The following POT1 variants were observed in gnomAD, a reference collection of about 807,000 sequenced individuals.
The protein encoded by POT1 is protection of telomeres 1.
POT1 carries 47 observed loss-of-function variants against 78.5 expected under a neutral mutation model. The ratio of observed to expected loss-of-function variants is 0.60; its 90% CI spans 0.47 to 0.76. POT1 has a LOEUF of 0.76. Among genes scored for constraint, POT1 ranks in the 30% least tolerant of loss-of-function variants. POT1 has a pLI of 0.00. For synonymous variants in POT1, 259 were observed against 260.7 expected (o/e 0.99, Z 0.06); for missense variants, 646 against 749.9 (o/e 0.86, Z 1.62).
chr7:124,884,410 G>A lies in POT1; in HGVS notation c.124+7856C>T, dbSNP rs541931636. On this transcript the variant is annotated intron_variant, in intron 6 of 18. Transcript: ENST00000357628. ...GGTGTCCTTGTAAGACAGTGAACAGGAAGAGAGAAAGATCTGCTTCTAGAA... is the reference window on the plus strand; with the variant it reads ...GGTGTCCTTGTAAGACAGTGAACAGAAAGAGAGAAAGATCTGCTTCTAGAA... 8.7e-4 allele frequency among the ~76,000 whole-genome samples: 133 copies of A among 152,260 alleles called. 5 individuals are homozygous for A. Among genetic ancestry groups the A allele is most frequent in the Admixed American group, 6.5e-4 (10 of 15,294 alleles).
At position 124,892,275 on chromosome 7, in the gene POT1, T is replaced by C; in HGVS notation, c.115A>G (p.Lys39Glu). Residue 39 changes from lysine (K) to glutamate (E), a missense_variant, in exon 6 of 19, where the codon AAA (lysine) becomes GAA (glutamate). Transcript: ENST00000357628. ...VKFFKPPYLS[K>E]GTDYCSVVTI... Reference sequence around the variant, plus strand: ...CAGTTTTAATACCTACCAGTTCCTTTGCTTAGATATGGGGGCTTAAAGAAC... The same window carrying C: ...CAGTTTTAATACCTACCAGTTCCTTCGCTTAGATATGGGGGCTTAAAGAAC... 6.6e-7 allele frequency: 1 copy of C among 1,525,756 alleles called. No homozygotes were observed. Among genetic ancestry groups the C allele is most frequent in the Admixed American group, 2.4e-5 (1 of 41,566 alleles). 94.5% of individuals were successfully genotyped at this position (1,525,756 alleles called of 1,614,324 possible). A position where few individuals can be genotyped will look rare whatever the true frequency, so the allele number is the denominator to read the frequency against.
At chr7:124,927,666 T>A (rs1026123443) in intron 2 of POT1, among the ~76,000 whole-genome samples, 4 of 152,186 alleles carry the variant, frequency 2.6e-5, no homozygotes, top group African/African-American at 9.6e-5. Context: ...CTCAAACCCA[T>A]CTAAATGAGA....
chr7:124,871,992 T>C (rs779058420), intron 6 of POT1, among the ~76,000 whole-genome samples: 16 of 152,142 alleles, frequency 1.1e-4, no homozygotes, highest in Non-Finnish European at 2.2e-4. Context: ...ACTGAAATAT[T>C]GTATCAGTTG....
intron 10 of POT1, among the ~76,000 whole-genome samples, chr7:124,852,616 G>A (rs1226805312): frequency 1.3e-5 from 2 of 152,052 alleles, no homozygotes; most frequent in Non-Finnish European, 2.9e-5. Context: ...TTTTTCATGA[G>A]AGAATTAAAT....
intron 2 of POT1, among the ~76,000 whole-genome samples, chr7:124,925,963 G>A (rs763539499): frequency 2.0e-5 from 3 of 151,780 alleles, no homozygotes; most frequent in Non-Finnish European, 2.9e-5. Context: ...AACTTAAGAC[G>A]GATTAAAGAT....
Position 124,840,967 on chromosome 7 carries a change from T to G in POT1, c.1369+6A>C, listed in dbSNP as rs1562980753. 2 of 1,581,008 alleles carry G rather than the reference T, an allele frequency of 1.3e-6. No individual in the cohort carries two copies. Among genetic ancestry groups the G allele is most frequent in the African/African-American group, 2.7e-5 (2 of 74,284 alleles). On this transcript the variant is annotated splice_donor_region_variant and intron_variant, in intron 14 of 18. Transcript: ENST00000357628. ...TTCTAACAAAACAGTGACTTAAATATCTTACCTTCTATCAAAAGTAGACAT... is the reference window on the plus strand; with the variant it reads ...TTCTAACAAAACAGTGACTTAAATAGCTTACCTTCTATCAAAAGTAGACAT...
Position 124,903,634 on chromosome 7 carries a change from C to T in POT1, c.-153-5260G>A, listed in dbSNP as rs1020871806. Among the ~76,000 whole-genome samples, 4 of 152,058 alleles carry T rather than the reference C, an allele frequency of 2.6e-5. No individual in the cohort carries two copies. In the East Asian group the frequency reaches 5.8e-4, roughly 22 times the overall value. ...AAAGAACTGGAGAAGCAAGAGCAAA[C>T]AAATTCAAAAGCTAGCAGAAGGCAA... On this transcript the variant is annotated intron_variant, in intron 3 of 18. Transcript: ENST00000357628.
At chr7:124,859,816 A>C (rs544867550) in intron 8 of POT1, among the ~76,000 whole-genome samples, 2 of 151,768 alleles carry the variant, frequency 1.3e-5, no homozygotes, top group Non-Finnish European at 2.9e-5. Flanking sequence ...ATTTAGAGAA[A>C]ACTCAATTTG....
At position 124,835,427 on chromosome 7, in the gene POT1, T is replaced by C. The variant is rs1225903679; in HGVS notation, c.1370-13A>G. The stretch of plus-strand genomic sequence containing the variant: ...CTGAGTGTACCTCCTGTTAAGAGAA[T>C]AAATAAATCCTTCAAGTAGTGCAAA... On this transcript the variant is annotated splice_polypyrimidine_tract_variant and intron_variant, in intron 14 of 18. Coordinates refer to ENST00000357628, the MANE Select transcript of POT1 (RefSeq NM_015450.3). 1 of 1,608,268 alleles carries C rather than the reference T, an allele frequency of 6.2e-7. No homozygotes were observed. The highest frequency in any genetic ancestry group is 8.5e-7 in the Non-Finnish European group (1 of 1,174,932).
intron 2 of POT1, among the ~76,000 whole-genome samples, chr7:124,921,676 G>C (rs893379295): frequency 6.6e-6 from 1 of 151,976 alleles, no homozygotes; most frequent in African/African-American, 2.4e-5. Flanking sequence ...AAAAGGTTCA[G>C]TGAACTCAAA....
intron 6 of POT1, among the ~76,000 whole-genome samples, chr7:124,881,132 C>T (rs916195505): frequency 6.6e-6 from 1 of 151,844 alleles, no homozygotes; most frequent in African/African-American, 2.4e-5. Context: ...CATTGTTCTG[C>T]GATCACCGAG....
rs1374599055 is a variant in POT1, at chr7:124,823,880, T to C, written c.*82A>G. 3 of 861,696 alleles carry C rather than the reference T, an allele frequency of 3.5e-6. No homozygotes were observed. Among genetic ancestry groups the C allele is most frequent in the Non-Finnish European group, 5.8e-6 (3 of 520,608 alleles). The allele number at this position is 861,696 out of a possible 1,614,324, so 53.4% of individuals were successfully genotyped here. A position where few individuals can be genotyped will look rare whatever the true frequency, so the allele number is the denominator to read the frequency against. On this transcript the variant is annotated 3_prime_UTR_variant, in exon 19 of 19. Transcript: ENST00000357628. ...ATGCTAACATCATCAACATTGCTGA[T>C]ACAAAACTCAGGTCAGGAAAAGAAG...
Position 124,823,990 on chromosome 7 carries a change from T to A in POT1, c.1877A>T (p.Asp626Val), listed in dbSNP as rs545521975. Residue 626 changes from aspartate to valine, a missense_variant, in exon 19 of 19, where the codon GAC becomes GTC. Transcript: ENST00000357628. The part of the protein sequence containing the change: ...TDNQICYQIF[D>V]TTVAEDVI The stretch of plus-strand genomic sequence containing the variant: ...GATTACATCTTCTGCAACTGTGGTG[T>A]CAAAAATCTGATAGCAAATTTGATT... 2.1e-5 allele frequency: 33 copies of A among 1,598,890 alleles called. 1 individual carries two copies. In the South Asian group the frequency reaches 3.4e-4, roughly 17 times the overall value.
intron 11 of POT1, among the ~76,000 whole-genome samples, chr7:124,850,975 A>G (rs528167678): frequency 7.3e-5 from 11 of 151,176 alleles, no homozygotes; most frequent in African/African-American, 2.7e-4. Flanking sequence ...AGAAGTAGAA[A>G]TTAAGACAGG....
At chr7:124,830,189 AATACACTAAAGTTGTG>A (rs1794725909) in intron 15 of POT1, among the ~76,000 whole-genome samples, 1 of 152,198 alleles carries the variant, frequency 6.6e-6, no homozygotes, top group Non-Finnish European at 1.5e-5. Context: ...AAGACTACAC[AATACACTAAAGTTGTG>A]CATTGTGTAG....
chr7:124,852,058 T>C, intron 10 of POT1, 107 bp from the exon 11 acceptor site: 1 of 753,412 alleles, frequency 1.3e-6, no homozygotes, highest in Non-Finnish European at 2.2e-6. Context: ...ATATAAAATT[T>C]TGTATGTATA....
chr7:124,924,351 T>C (rs1325165986), intron 2 of POT1, among the ~76,000 whole-genome samples: 3 of 151,966 alleles, frequency 2.0e-5, no homozygotes, highest in African/African-American at 4.8e-5. Flanking sequence ...TATGTATAAC[T>C]ATATGCCCAT....
At chr7:124,883,469 C>T (rs1201225501) in intron 6 of POT1, among the ~76,000 whole-genome samples, 1 of 151,934 alleles carries the variant, frequency 6.6e-6, no homozygotes, top group African/African-American at 2.4e-5. Context: ...TATTATCTGG[C>T]ATATAGAAAA....
At chr7:124,845,299 A>G (rs963180452) in intron 12 of POT1, among the ~76,000 whole-genome samples, 1 of 152,182 alleles carries the variant, frequency 6.6e-6, no homozygotes, top group Non-Finnish European at 1.5e-5. Flanking sequence ...TTAATGTAAA[A>G]TAAGTCCTCG....
Sources: allele counts gnomAD v4.1 joint callset (sites outside exome capture counted in the v4.1 genomes callset), GRCh38; gene constraint gnomAD v4.1.1; transcripts MANE v1.5; gene names NCBI Gene and HGNC (gene_info 2026-07-23, HGNC 2026-07-21).